SPON1: variants seen among roughly 807,000 people sequenced by gnomAD.
The protein encoded by SPON1 is spondin 1, also known as spondin-1.
SPON1 carries 52 observed loss-of-function variants against 111.7 expected under a neutral mutation model. The observed-to-expected ratio is 0.47, with a 90% confidence interval of 0.37 to 0.59. The LOEUF (loss-of-function observed/expected upper bound fraction) is 0.59. SPON1 is among the 20% of genes least tolerant of loss of function. SPON1 has a pLI of 0.00. For synonymous variants in SPON1, 410 were observed against 395.8 expected (o/e 1.04, Z -0.43); for missense variants, 957 against 1,068.5 (o/e 0.90, Z 1.46).
At chr11:14,262,464 C>G (rs1300571130) in intron 14 of SPON1, 5 of 558,346 alleles carry the variant, frequency 9.0e-6, no homozygotes, top group African/African-American at 1.9e-5. Context: ...TCCTCCAAAG[C>G]CTTCTTGAGT....
rs56265194 is a variant in SPON1, at chr11:14,240,589, TTGTGTGTG to T, written c.826-2703_826-2696del. On this transcript the variant is annotated intron_variant, in intron 6 of 15. Coordinates refer to ENST00000576479, the MANE Select transcript of SPON1 (RefSeq NM_006108.4). ...TTGGCCAAAAGGCCAAGAAGCAATA[TTGTGTGTG>T]TGTGTGTGTGTGTGTGTGTGTGTGT... Among the ~76,000 whole-genome samples, 1,186 of 140,282 alleles carry T rather than the reference TTGTGTGTG, an allele frequency of 8.5e-3. 21 individuals carry two copies. Among genetic ancestry groups the T allele is most frequent in the South Asian group, 0.079 (328 of 4,170 alleles). 92.0% of individuals were successfully genotyped at this position (140,282 alleles called of 152,430 possible).
chr11:14,075,252 C>T, intron 3 of SPON1, 93 bp from the exon 4 acceptor site: 1 of 935,426 alleles, frequency 1.1e-6, no homozygotes, highest in Non-Finnish European at 1.7e-6. Flanking sequence ...TCACTCAAAG[C>T]CACAAAGCCA....
chr11:14,152,840 A>C (rs1591390493), intron 6 of SPON1, among the ~76,000 whole-genome samples: 1 of 152,178 alleles, frequency 6.6e-6, no homozygotes, highest in African/African-American at 2.4e-5. Context: ...GCATGGTTGG[A>C]TCTTTTGAGA....
chr11:14,221,742 G>C (rs140823813), intron 6 of SPON1, among the ~76,000 whole-genome samples: 1 of 152,102 alleles, frequency 6.6e-6, no homozygotes. Context: ...CTTCACAAGC[G>C]AAGGGCATTT....
In SPON1 at chr11:13,982,917, G is replaced by A. The variant is rs782653308; in HGVS notation, c.309G>A (p.Glu103=). The A allele has an allele frequency of 9.0e-6, 14 of 1,558,144 alleles. 1 individual carries two copies. In the South Asian group the frequency reaches 1.7e-4, roughly 18 times the overall value. Residue 103 remains glutamate (E), a synonymous_variant, in exon 2 of 16, where the codon GAG becomes GAA. Coordinates refer to ENST00000576479, the MANE Select transcript of SPON1 (RefSeq NM_006108.4). ...TAATTGCCCTCAGAGAGAACAGAGA[G>A]GGTGATAAGGAAGAAGACCATGCTG... ...FTLIALRENR[E]GDKEEDHAGT... is the part of the protein sequence containing the mutation.
intron 2 of SPON1, among the ~76,000 whole-genome samples, chr11:14,028,364 TG>T (rs1385555134): frequency 1.3e-5 from 2 of 151,998 alleles, no homozygotes; most frequent in Non-Finnish European, 2.9e-5. Flanking sequence ...CGTGTGCCTG[TG>T]GTCCTAGCTA....
At chr11:14,008,675 G>C (rs1030251238) in intron 2 of SPON1, among the ~76,000 whole-genome samples, 1 of 152,004 alleles carries the variant, frequency 6.6e-6, no homozygotes, top group Non-Finnish European at 1.5e-5. Flanking sequence ...CTCCATCCCT[G>C]TCCTGAGACC....
chr11:14,121,565 G>A (rs1554926512), intron 5 of SPON1, among the ~76,000 whole-genome samples: 1 of 152,114 alleles, frequency 6.6e-6, no homozygotes, highest in East Asian at 1.9e-4. Context: ...TGAGAACAAA[G>A]CATTGATGGA....
At chr11:14,059,925 GCT>G (rs1554919657) in intron 3 of SPON1, among the ~76,000 whole-genome samples, 1 of 152,198 alleles carries the variant, frequency 6.6e-6, no homozygotes, top group Non-Finnish European at 1.5e-5. Context: ...GTTAGGCAAA[GCT>G]TCCCCCTTGC....
chr11:14,239,268 A>G (rs890171907), intron 6 of SPON1, among the ~76,000 whole-genome samples: 5 of 152,240 alleles, frequency 3.3e-5, no homozygotes, highest in Non-Finnish European at 7.3e-5. Flanking sequence ...AAGTAAAAAT[A>G]AGAATGATCA....
chr11:14,182,817 C>A (rs1481272275), intron 6 of SPON1, among the ~76,000 whole-genome samples: 1 of 152,182 alleles, frequency 6.6e-6, no homozygotes, highest in African/African-American at 2.4e-5. Flanking sequence ...GGAACTTCAA[C>A]CTCTGCCATG....
chr11:14,190,499 CTTCCTTCCTTCTTTAG>C (rs1463993256), intron 6 of SPON1, among the ~76,000 whole-genome samples: 7 of 150,854 alleles, frequency 4.6e-5, no homozygotes, highest in African/African-American at 1.5e-4. Context: ...TCCTTCTTTA[CTTCCTTCCTTCTTTAG>C]TTCCTTCCTT....
chr11:14,013,178 T>A (rs375784390), intron 2 of SPON1, among the ~76,000 whole-genome samples: 115 of 152,324 alleles, frequency 7.5e-4, no homozygotes, highest in African/African-American at 2.6e-3. Context: ...AGAAGCCCCA[T>A]GCTAACAACT....
intron 2 of SPON1, among the ~76,000 whole-genome samples, chr11:14,031,282 G>A (rs892165846): frequency 2.0e-5 from 3 of 152,122 alleles, no homozygotes; most frequent in East Asian, 3.8e-4. Context: ...GGGATCATTC[G>A]TAACAAACCT....
chr11:14,076,053 G>C (rs782173259), intron 4 of SPON1, among the ~76,000 whole-genome samples: 4 of 152,124 alleles, frequency 2.6e-5, no homozygotes, highest in Admixed American at 6.5e-5. Context: ...GCCCCTTCTA[G>C]CCATGTGACT....
At chr11:14,134,493 T>A (rs1318301262) in intron 5 of SPON1, among the ~76,000 whole-genome samples, 1 of 152,178 alleles carries the variant, frequency 6.6e-6, no homozygotes, top group African/African-American at 2.4e-5. Context: ...CACCATCCCA[T>A]GTGATCTTCA....
chr11:14,047,549 G>A (rs975187518), intron 3 of SPON1, among the ~76,000 whole-genome samples: 39 of 152,104 alleles, frequency 2.6e-4, no homozygotes, highest in East Asian at 1.3e-3. Flanking sequence ...CTAGCAAACC[G>A]AAGACAGATA....
chr11:14,093,729 CT>C (rs1415917108), intron 5 of SPON1, among the ~76,000 whole-genome samples: 1 of 152,182 alleles, frequency 6.6e-6, no homozygotes, highest in Admixed American at 6.5e-5. Flanking sequence ...TTAACAACTA[CT>C]TTTGTTTCTT....
chr11:14,106,361 A>G (rs1433458615), intron 5 of SPON1, among the ~76,000 whole-genome samples: 1 of 152,222 alleles, frequency 6.6e-6, no homozygotes, highest in Non-Finnish European at 1.5e-5. Flanking sequence ...TAACAACATT[A>G]TGTATGGTCA....
Sources: allele counts gnomAD v4.1 joint callset (sites outside exome capture counted in the v4.1 genomes callset), GRCh38; gene constraint gnomAD v4.1.1; transcripts MANE v1.5; gene names NCBI Gene and HGNC (gene_info 2026-07-23, HGNC 2026-07-21).